The following ZZEF1 variants were observed in gnomAD, a reference collection of about 807,000 sequenced individuals.
The protein encoded by ZZEF1 is zinc finger ZZ-type and EF-hand domain-containing protein 1.
In ZZEF1, 157 loss-of-function variants were observed where a neutral mutation model predicts 342.8. That is an observed-to-expected ratio of 0.46 (90% CI 0.40 to 0.52). The LOEUF is 0.52. Ranked by LOEUF, ZZEF1 falls within the 20% of genes least tolerant of loss-of-function variation. ZZEF1 has a pLI of 0.00. For missense variants in ZZEF1, 3,480 were observed against 3,725.6 expected (o/e 0.93, Z 1.72); for synonymous variants, 1,505 against 1,429.1 (o/e 1.05, Z -1.20).
chr17:4,033,655 T>C, intron 40 of ZZEF1: 1 of 263,040 alleles, frequency 3.8e-6, no homozygotes, highest in African/African-American at 2.2e-5. Context: ...AGCTTATTCC[T>C]TCATTTCTGT....
chr17:4,019,386 G>C (rs988399094), intron 46 of ZZEF1, among the ~76,000 whole-genome samples: 2 of 152,178 alleles, frequency 1.3e-5, no homozygotes, highest in African/African-American at 4.8e-5. Flanking sequence ...ACACATGAGA[G>C]ACATCTTGGT....
At chr17:4,120,522 C>T (rs1051419168) in intron 2 of ZZEF1, among the ~76,000 whole-genome samples, 4 of 152,194 alleles carry the variant, frequency 2.6e-5, no homozygotes, top group Non-Finnish European at 5.9e-5. Context: ...CATGACAGGC[C>T]GTCTGAAAGC....
At chr17:4,131,608 C>T (rs1261701880) in intron 1 of ZZEF1, among the ~76,000 whole-genome samples, 1 of 151,826 alleles carries the variant, frequency 6.6e-6, no homozygotes, top group Non-Finnish European at 1.5e-5. Flanking sequence ...GCAAAACCTC[C>T]TCTCTACAAA....
At chr17:4,080,695 T>C (rs1198414133) in intron 18 of ZZEF1, among the ~76,000 whole-genome samples, 5 of 152,050 alleles carry the variant, frequency 3.3e-5, no homozygotes, top group Admixed American at 3.3e-4. Context: ...CGGTCCTGAA[T>C]TTCTTTTTTA....
intron 4 of ZZEF1, among the ~76,000 whole-genome samples, chr17:4,113,785 C>G (rs12453798): frequency 6.6e-6 from 1 of 151,760 alleles, no homozygotes; most frequent in Non-Finnish European, 1.5e-5. Context: ...GCCTGGGCAA[C>G]GTAGTGAGGC....
At position 4,114,372 on chromosome 17, in the gene ZZEF1, T is replaced by C. The variant is rs781506643; in HGVS notation, c.793A>G (p.Ile265Val). ...GTTTCTCCATTTGTCATCTTGTCAA[T>C]GTCTGCCGAGTTGGAGGATGTTTCT... is the stretch of plus-strand genomic sequence containing the variant. ...YIETSSNSAD[I>V]DKMTNGETSS... is the part of the protein sequence containing the mutation. Residue 265 changes from isoleucine to valine, a missense_variant, in exon 4 of 55, where the codon ATT becomes GTT. Around this residue, in one of 5 missense-constraint regions of ZZEF1, gnomAD observed 416 missense variants for 374.2 expected, o/e 1.11. Transcript: ENST00000381638. 6.8e-6 allele frequency: 11 copies of C among 1,612,522 alleles called. No individual in the cohort carries two copies. In the East Asian group the frequency reaches 1.6e-4, roughly 23 times the overall value.
rs758395859 is a variant in ZZEF1, at chr17:4,032,836, A to C, written c.6751T>G (p.Phe2251Val). The change falls in exon 41 of 55, where the codon TTC (phenylalanine) becomes GTC (valine). Residue 2251 changes from phenylalanine (F) to valine (V), a missense_variant. Phe to Val is a conservative substitution (Grantham distance 50). Coordinates refer to ENST00000381638, the MANE Select transcript of ZZEF1 (RefSeq NM_015113.4). The stretch of plus-strand genomic sequence containing the variant: ...CCTTCAGAGTGTGGTACCTGGGGGA[A>C]GCCAACCAGCACGAGCAGGGTGAAG... ...NIFTLLVLVG[F>V]PQVLCVGTRC... 2 of 1,614,048 alleles carry C rather than the reference A, an allele frequency of 1.2e-6. No homozygotes were observed. The highest frequency in any genetic ancestry group is 2.2e-5 in the East Asian group (1 of 44,880).
intron 39 of ZZEF1, among the ~76,000 whole-genome samples, chr17:4,039,486 A>C (rs953964742): frequency 8.6e-5 from 13 of 151,954 alleles, no homozygotes; most frequent in Non-Finnish European, 1.6e-4. Flanking sequence ...ACAAACAAAC[A>C]AACAAACAAA....
At position 4,142,710 on chromosome 17, in the gene ZZEF1, C is replaced by T. The variant is rs761443139; in HGVS notation, c.186G>A (p.Ala62=). The part of the protein sequence containing the change: ...EPARLREAAA[A]LLPTPPCESL... Reference sequence around the variant, plus strand: ...ACTCGCAGGGGGGTGTGGGCAGCAACGCTGCAGCAGCCTCTCGCAGCCTGG... The same window carrying T: ...ACTCGCAGGGGGGTGTGGGCAGCAATGCTGCAGCAGCCTCTCGCAGCCTGG... Residue 62 remains alanine (A), a synonymous_variant, in exon 1 of 55, where the codon GCG becomes GCA. Coordinates refer to ENST00000381638, the MANE Select transcript of ZZEF1 (RefSeq NM_015113.4). 6.9e-6 allele frequency: 11 copies of T among 1,594,850 alleles called. No individual in the cohort carries two copies. The highest frequency in any genetic ancestry group is 8.5e-6 in the Non-Finnish European group (10 of 1,174,500).
chr17:4,059,429 A>G (rs1253096654), intron 30 of ZZEF1, 139 bp from the exon 31 acceptor site: 4 of 1,030,978 alleles, frequency 3.9e-6, no homozygotes, highest in Admixed American at 3.2e-5. Flanking sequence ...AAATACAAAT[A>G]TAATACCTAT....
intron 43 of ZZEF1, among the ~76,000 whole-genome samples, chr17:4,023,495 C>T (rs957474415): frequency 1.3e-5 from 2 of 151,970 alleles, no homozygotes; most frequent in African/African-American, 4.8e-5. Flanking sequence ...ACAATGGAAA[C>T]AGTAGCACAT....
At chr17:4,028,522 C>T (rs1186939055) in intron 42 of ZZEF1, among the ~76,000 whole-genome samples, 1 of 147,216 alleles carries the variant, frequency 6.8e-6, no homozygotes, top group African/African-American at 2.5e-5. Flanking sequence ...GCACTCCAGC[C>T]TGGGTGATGG....
intron 39 of ZZEF1, among the ~76,000 whole-genome samples, chr17:4,039,343 G>A (rs894742499): frequency 3.3e-5 from 5 of 151,936 alleles, no homozygotes; most frequent in Non-Finnish European, 7.4e-5. Flanking sequence ...GGTGGCATGC[G>A]CCTGTAATCC....
Position 4,064,415 on chromosome 17 carries a change from G to A in ZZEF1, c.4664C>T (p.Pro1555Leu). The change falls in exon 29 of 55, where the codon CCT becomes CTT. Residue 1555 changes from proline (P) to leucine (L), a missense_variant. Around this residue, in one of 5 missense-constraint regions of ZZEF1, gnomAD observed 1,528 missense variants for 1,624.1 expected, o/e 0.94. Transcript: ENST00000381638. ...GAAGTCCATGACGTCCTTCAGCACA[G>A]GGTATTTCTCTTTCACTGTGGGCAC... is the stretch of plus-strand genomic sequence containing the variant. ...RLVPTVKEKYPVLKDVMDFIK... is the reference protein window; with the variant it reads ...RLVPTVKEKYLVLKDVMDFIK... The A allele has an allele frequency of 6.2e-7, 1 of 1,613,444 alleles. No individual in the cohort carries two copies. The highest frequency in any genetic ancestry group is 1.1e-5 in the South Asian group (1 of 91,056).
At position 4,123,928 on chromosome 17, in the gene ZZEF1, G is replaced by A; in HGVS notation, c.478C>T (p.Gln160Ter). 1 of 1,614,018 alleles carries A rather than the reference G, an allele frequency of 6.2e-7. No individual in the cohort carries two copies. The highest frequency in any genetic ancestry group is 8.5e-7 in the Non-Finnish European group (1 of 1,179,998). Residue 160 changes from glutamine to a stop codon, truncating the protein, a stop_gained, in exon 2 of 55, where the codon CAG (glutamine) becomes TAG (stop). Transcript: ENST00000381638. LOFTEE classifies it high-confidence loss of function. ...GELSHIIRQL[Q>*]ACSLVPGFTD... ...TCACCTGGAACCAGAGAGCAGGCCT[G>A]TAGTTGTCTGATGATGTGGCTCAGC... is the stretch of plus-strand genomic sequence containing the variant.
At chr17:4,104,932 T>C in intron 7 of ZZEF1, 121 bp from the exon 8 acceptor site, 1 of 797,466 alleles carries the variant, frequency 1.3e-6, no homozygotes, top group Middle Eastern at 3.5e-4. Context: ...TCTACAGGTT[T>C]ATCCGAAATA....
intron 26 of ZZEF1, among the ~76,000 whole-genome samples, chr17:4,069,779 C>A (rs552292260): frequency 1.3e-5 from 2 of 152,294 alleles, no homozygotes; most frequent in Non-Finnish European, 2.9e-5. Context: ...TGTGGTGAGT[C>A]AAGATCGCGC....
At chr17:4,072,356 C>T (rs1312064592) in intron 25 of ZZEF1, among the ~76,000 whole-genome samples, 3 of 152,184 alleles carry the variant, frequency 2.0e-5, no homozygotes, top group Non-Finnish European at 4.4e-5. Context: ...ATAACTCCAT[C>T]AACAGAGATT....
intron 1 of ZZEF1, among the ~76,000 whole-genome samples, chr17:4,130,801 G>A (rs1278033903): frequency 1.3e-5 from 2 of 152,192 alleles, no homozygotes; most frequent in Non-Finnish European, 2.9e-5. Flanking sequence ...TTCCGTGACT[G>A]CAGGGGCTGA....
Sources: gnomAD v4.1 joint callset for allele counts (sites outside exome capture counted in the v4.1 genomes callset) on GRCh38, gnomAD v4.1.1 for gene constraint, gnomAD v4.1.1 regional missense constraint, MANE v1.5 for transcripts, NCBI Gene and HGNC (gene_info 2026-07-23, HGNC 2026-07-21) for gene names.